Variants in RNF13 observed in about 807,000 individuals in gnomAD.
The protein encoded by RNF13 is E3 ubiquitin-protein ligase RNF13.
In RNF13, 19 loss-of-function variants were observed where a neutral mutation model predicts 37.7. The ratio of observed to expected loss-of-function variants is 0.50; its 90% CI spans 0.35 to 0.74. The LOEUF is 0.74. Ranked by LOEUF, RNF13 falls within the 30% of genes least tolerant of loss-of-function variation. The probability of loss-of-function intolerance (pLI) is 0.01; values close to 1 mark genes in which losing one functional copy is unlikely to be tolerated. For missense variants in RNF13, 375 were observed against 453.0 expected, an observed-to-expected ratio of 0.83 and a Z score of 1.56; for synonymous variants, 144 against 157.8, an observed-to-expected ratio of 0.91 and a Z score of 0.65.
chr3:149,944,753 C>T (rs147585183), intron 8 of RNF13, among the ~76,000 whole-genome samples: 1 of 152,104 alleles, frequency 6.6e-6, no homozygotes. Flanking sequence ...CTCCCATTCT[C>T]TAGGTTGCCT....
intron 4 of RNF13, among the ~76,000 whole-genome samples, chr3:149,888,432 A>C (rs1312348374): frequency 6.6e-6 from 1 of 152,250 alleles, no homozygotes; most frequent in Non-Finnish European, 1.5e-5. Context: ...AGATGTTCTC[A>C]GAAACACTGG....
In RNF13 at chr3:149,841,967, T is replaced by C. The variant is rs201340052; in HGVS notation, c.-16-4044T>C. ...TAAATGTGAAAATTTTAGACCCTCT[T>C]GCGCCTTCTCCAACATTTACTTCTG... On this transcript the variant is annotated intron_variant, in intron 1 of 9. Coordinates refer to ENST00000392894, the MANE Select transcript of RNF13 (RefSeq NM_183381.3). 5.3e-5 allele frequency among the ~76,000 whole-genome samples: 8 copies of C among 152,294 alleles called. No homozygotes were observed. In the East Asian group the frequency reaches 1.5e-3, roughly 29 times the overall value.
At position 149,930,126 on chromosome 3, in the gene RNF13, A is replaced by G. The variant is rs191750644; in HGVS notation, c.700+8899A>G. Among the ~76,000 whole-genome samples, 432 of 152,220 alleles carry G rather than the reference A, an allele frequency of 2.8e-3. 2 individuals are homozygous for G. Among genetic ancestry groups the G allele is most frequent in the African/African-American group, 9.9e-3 (413 of 41,520 alleles). Reference sequence around the variant, plus strand: ...GTATTTTTAGTAGAGACAGGGTTTCACTATGTTGGCTAGGCTGGTCTTGAA... The same window carrying G: ...GTATTTTTAGTAGAGACAGGGTTTCGCTATGTTGGCTAGGCTGGTCTTGAA... On this transcript the variant is annotated intron_variant, in intron 8 of 9. Coordinates refer to ENST00000392894, the MANE Select transcript of RNF13 (RefSeq NM_183381.3).
At chr3:149,910,476 G>A (rs1716882598) in intron 6 of RNF13, among the ~76,000 whole-genome samples, 1 of 152,122 alleles carries the variant, frequency 6.6e-6, no homozygotes, top group Non-Finnish European at 1.5e-5. Flanking sequence ...GTTGAAGCTT[G>A]ATAGAGCCCC....
chr3:149,921,696 T>G (rs930121779), intron 8 of RNF13, among the ~76,000 whole-genome samples: 1 of 152,188 alleles, frequency 6.6e-6, no homozygotes, highest in Non-Finnish European at 1.5e-5. Context: ...TTATCCAGTC[T>G]ATTATTGATG....
chr3:149,905,263 C>T (rs1716272754), intron 6 of RNF13, among the ~76,000 whole-genome samples: 1 of 152,080 alleles, frequency 6.6e-6, no homozygotes. Context: ...GTCAGATTTG[C>T]TTATTTTTAC....
At chr3:149,903,309 A>G (rs1239038223) in intron 6 of RNF13, among the ~76,000 whole-genome samples, 1 of 152,156 alleles carries the variant, frequency 6.6e-6, no homozygotes, top group Non-Finnish European at 1.5e-5. Context: ...TCCCTCGTTT[A>G]GAATACTTCT....
At chr3:149,827,276 G>A (rs1318409416) in intron 1 of RNF13, among the ~76,000 whole-genome samples, 1 of 152,130 alleles carries the variant, frequency 6.6e-6, no homozygotes, top group Non-Finnish European at 1.5e-5. Context: ...GTATATAGAA[G>A]GAGGTGCGTA....
chr3:149,865,642 T>G (rs1398912127), intron 3 of RNF13, among the ~76,000 whole-genome samples: 2 of 152,022 alleles, frequency 1.3e-5, no homozygotes, highest in South Asian at 2.1e-4. Context: ...ATTTTTGTAT[T>G]TTTTGTATTT....
chr3:149,843,960 A>G (rs1722405337), intron 1 of RNF13, among the ~76,000 whole-genome samples: 1 of 152,178 alleles, frequency 6.6e-6, no homozygotes, highest in South Asian at 2.1e-4. Flanking sequence ...TATTATTCCA[A>G]TCTTTTATTT....
At chr3:149,939,769 C>T (rs1192234139) in intron 8 of RNF13, 1 of 605,736 alleles carries the variant, frequency 1.7e-6, no homozygotes, top group Non-Finnish European at 3.1e-6. Flanking sequence ...CCTCAGAGGG[C>T]TCATGTCCAT....
intron 1 of RNF13, among the ~76,000 whole-genome samples, chr3:149,817,633 G>A (rs1559884057): frequency 6.6e-6 from 1 of 152,168 alleles, no homozygotes; most frequent in Non-Finnish European, 1.5e-5. Context: ...TAATGAGATT[G>A]TATTTTACTT....
intron 7 of RNF13, among the ~76,000 whole-genome samples, chr3:149,917,119 T>C (rs1717605495): frequency 6.6e-6 from 1 of 152,130 alleles, no homozygotes; most frequent in Non-Finnish European, 1.5e-5. Context: ...CTTTCCACCT[T>C]AGAGGAGATA....
chr3:149,910,122 A>T (rs890299261), intron 6 of RNF13, among the ~76,000 whole-genome samples: 4 of 152,150 alleles, frequency 2.6e-5, no homozygotes, highest in African/African-American at 7.2e-5. Flanking sequence ...TTAGCGTCTC[A>T]TGGAAAGGCT....
chr3:149,881,427 T>C (rs1713386856), intron 4 of RNF13, among the ~76,000 whole-genome samples: 1 of 152,086 alleles, frequency 6.6e-6, no homozygotes, highest in South Asian at 2.1e-4. Flanking sequence ...ACCTTCCAGG[T>C]TCAAATGATT....
At chr3:149,932,799 C>G (rs553822391) in intron 8 of RNF13, among the ~76,000 whole-genome samples, 2 of 152,182 alleles carry the variant, frequency 1.3e-5, no homozygotes, top group Non-Finnish European at 2.9e-5. Context: ...GTGGCTCTAC[C>G]CTTCTTGGGT....
intron 8 of RNF13, chr3:149,939,706 A>C: frequency 1.2e-6 from 1 of 807,156 alleles, no homozygotes; most frequent in Non-Finnish European, 2.0e-6. Flanking sequence ...ATTCACCTTA[A>C]AGTGATAATC....
chr3:149,816,174 A>G (rs773080191), intron 1 of RNF13, among the ~76,000 whole-genome samples: 1 of 150,928 alleles, frequency 6.6e-6, no homozygotes, highest in Non-Finnish European at 1.5e-5. Flanking sequence ...TGCTGGGATT[A>G]CAGGTGTGAT....
intron 1 of RNF13, among the ~76,000 whole-genome samples, chr3:149,839,748 A>G (rs1327094152): frequency 6.6e-6 from 1 of 152,050 alleles, no homozygotes; most frequent in African/African-American, 2.4e-5. Flanking sequence ...TAATACTATC[A>G]TCATAGCTAA....
Sources: gnomAD v4.1 joint callset for allele counts (sites outside exome capture counted in the v4.1 genomes callset) on GRCh38, gnomAD v4.1.1 for gene constraint, MANE v1.5 for transcripts, NCBI Gene and HGNC (gene_info 2026-07-23, HGNC 2026-07-21) for gene names.